XRN1: variants seen among roughly 807,000 people sequenced by gnomAD.
The protein encoded by XRN1 is strand-exchange protein 1 homolog.
A neutral mutation model predicts 222.3 loss-of-function variants in XRN1; 67 were observed. The observed-to-expected ratio is 0.30, with a 90% CI of 0.25 to 0.37. The LOEUF (loss-of-function observed/expected upper bound fraction) is 0.37. XRN1 is among the 10% of genes least tolerant of loss of function. XRN1 has a pLI of 1.00. For missense variants in XRN1, 1,707 were observed against 2,000.2 expected (o/e 0.85, Z 2.80); for synonymous variants, 643 against 652.4 (o/e 0.99, Z 0.22).
At position 142,425,334 on chromosome 3, in the gene XRN1, T is replaced by C; in HGVS notation, c.517-2A>G. ...TTTATGCTCTCCTTCTCCAGGAGTC[T>C]AAATAAAATTGTTTTTAAAAATGCA... On this transcript the variant is annotated splice_acceptor_variant, in intron 4 of 40. Transcript: ENST00000392981. LOFTEE classifies it high-confidence loss of function. 6.3e-7 allele frequency: 1 copy of C among 1,594,530 alleles called. No individual in the cohort carries two copies. Among genetic ancestry groups the C allele is most frequent in the Non-Finnish European group, 8.5e-7 (1 of 1,171,986 alleles).
chr3:142,408,233 GAAGT>G (rs2068426269), intron 15 of XRN1, among the ~76,000 whole-genome samples: 2 of 152,190 alleles, frequency 1.3e-5, no homozygotes, highest in Non-Finnish European at 2.9e-5. Flanking sequence ...AAGAATAAGC[GAAGT>G]AATACAGTGA....
At chr3:142,331,904 A>T (rs1238682169) in intron 36 of XRN1, among the ~76,000 whole-genome samples, 2 of 152,062 alleles carry the variant, frequency 1.3e-5, no homozygotes, top group African/African-American at 4.8e-5. Flanking sequence ...CCTCCCCAGT[A>T]GCTGGGACTA....
intron 13 of XRN1, among the ~76,000 whole-genome samples, chr3:142,414,518 C>T (rs1178144313): frequency 6.8e-6 from 1 of 147,864 alleles, no homozygotes; most frequent in Non-Finnish European, 1.5e-5. Context: ...TTTTTTGAGA[C>T]AGAGTCTCGC....
chr3:142,357,136 T>A lies in XRN1; in HGVS notation c.3465-17A>T. ...GGTGAGCATCTAAAAGTAAAAGTTA[T>A]ATCAGGGTTGGAAGGAAAACAATAC... On this transcript the variant is annotated splice_polypyrimidine_tract_variant and intron_variant, in intron 30 of 40. Transcript: ENST00000392981. 4 of 1,587,840 alleles carry A rather than the reference T, an allele frequency of 2.5e-6. No individual in the cohort carries two copies. The highest frequency in any genetic ancestry group is 1.7e-4 in the Middle Eastern group (1 of 6,026).
chr3:142,391,179 T>A (rs1282661437), intron 20 of XRN1, among the ~76,000 whole-genome samples: 1 of 151,840 alleles, frequency 6.6e-6, no homozygotes, highest in Admixed American at 6.6e-5. Context: ...TTGGAAAAAA[T>A]GGCACTGATA....
At chr3:142,361,661 G>T (rs2066634321) in intron 29 of XRN1, among the ~76,000 whole-genome samples, 1 of 151,960 alleles carries the variant, frequency 6.6e-6, no homozygotes. Context: ...TATCTTATTT[G>T]GTTTTAATTT....
chr3:142,360,757 C>T (rs1329972903), intron 29 of XRN1, among the ~76,000 whole-genome samples: 1 of 151,476 alleles, frequency 6.6e-6, no homozygotes, highest in Non-Finnish European at 1.5e-5. Context: ...GCCTGTTGTC[C>T]CAGCTAGTTG....
intron 10 of XRN1, 87 bp downstream of exon 10, chr3:142,420,929 A>T (rs2069002036): frequency 1.3e-6 from 2 of 1,565,916 alleles, no homozygotes; most frequent in South Asian, 2.3e-5. Flanking sequence ...GGCAATCCCA[A>T]ATCATAAGAA....
chr3:142,444,491 C>T (rs1299581568), intron 1 of XRN1, among the ~76,000 whole-genome samples: 1 of 152,076 alleles, frequency 6.6e-6, no homozygotes, highest in African/African-American at 2.4e-5. Context: ...CACGCCTAAT[C>T]CCAGCTACTT....
chr3:142,425,004 C>T (rs1478984701), intron 5 of XRN1, among the ~76,000 whole-genome samples: 2 of 152,110 alleles, frequency 1.3e-5, no homozygotes, highest in East Asian at 3.8e-4. Context: ...GGATTAGTCA[C>T]ACCTGTAGAC....
At position 142,422,868 on chromosome 3, in the gene XRN1, T is replaced by C; in HGVS notation, c.765A>G (p.Arg255=). Reference sequence around the variant, plus strand: ...CTGAAAACTCATAGTCAATATACTCTCTCATTAAAGACAAGTGTAGAAGGT... The same window carrying C: ...CTGAAAACTCATAGTCAATATACTCCCTCATTAAAGACAAGTGTAGAAGGT... ...TFHLLHLSLM[R]EYIDYEFSVL... The change falls in exon 7 of 41, where the codon AGA becomes AGG. Residue 255 remains arginine (R), a synonymous_variant. Transcript: ENST00000392981. 1 of 1,612,550 alleles carries C rather than the reference T, an allele frequency of 6.2e-7. No homozygotes were observed.
At position 142,402,297 on chromosome 3, in the gene XRN1, C is replaced by T. The variant is rs540688006; in HGVS notation, c.2103+1377G>A. 2.6e-4 allele frequency among the ~76,000 whole-genome samples: 39 copies of T among 152,206 alleles called. 1 individual carries two copies. The South Asian group carries it at 8.1e-3, about 32-fold the overall frequency. ...TCCTGGGTTCAAGCAATTCTCCTGCCTCAGCCTCCCGAGTAGCTGGGATTA... is the reference window on the plus strand; with the variant it reads ...TCCTGGGTTCAAGCAATTCTCCTGCTTCAGCCTCCCGAGTAGCTGGGATTA... On this transcript the variant is annotated intron_variant, in intron 18 of 40. Coordinates refer to ENST00000392981, the MANE Select transcript of XRN1 (RefSeq NM_001282857.2).
chr3:142,441,758 C>T (rs916458581), intron 1 of XRN1, among the ~76,000 whole-genome samples: 2 of 152,164 alleles, frequency 1.3e-5, no homozygotes, highest in African/African-American at 4.8e-5. Flanking sequence ...TTGTGCAACT[C>T]TTAACCCAGC....
At chr3:142,332,895 T>C in intron 35 of XRN1, 72 bp downstream of exon 35, 1 of 1,558,432 alleles carries the variant, frequency 6.4e-7, no homozygotes, top group Non-Finnish European at 8.7e-7. Context: ...TTTGAACACT[T>C]GCATGGGATA....
intron 32 of XRN1, among the ~76,000 whole-genome samples, chr3:142,353,701 A>G (rs147797956): frequency 2.0e-5 from 3 of 152,290 alleles, no homozygotes; most frequent in East Asian, 3.9e-4. Context: ...GACTTAAAAT[A>G]TAAGACCTCA....
rs1350766884 is a variant in XRN1, at chr3:142,390,652, T to C, written c.2340-5967A>G. Among the ~76,000 whole-genome samples the C allele has an allele frequency of 2.6e-5, 4 of 152,232 alleles. No homozygotes were observed. The East Asian group carries it at 7.7e-4, about 29-fold the overall frequency. ...ACTTTCTCCATATTAGCAATAAGGT[T>C]GTTTAATTTGCTTATCATTGGTGTA... On this transcript the variant is annotated intron_variant, in intron 20 of 40. Coordinates refer to ENST00000392981, the MANE Select transcript of XRN1 (RefSeq NM_001282857.2).
chr3:142,341,740 C>G (rs2066000368), intron 33 of XRN1, among the ~76,000 whole-genome samples: 1 of 151,990 alleles, frequency 6.6e-6, no homozygotes, highest in Non-Finnish European at 1.5e-5. Context: ...TATCCAATGT[C>G]AATGGAAACC....
At chr3:142,322,401 T>C (rs1186198467) in intron 37 of XRN1, among the ~76,000 whole-genome samples, 1 of 152,040 alleles carries the variant, frequency 6.6e-6, no homozygotes, top group Non-Finnish European at 1.5e-5. Context: ...TTTTTAGAGA[T>C]GATGGTCGGG....
intron 33 of XRN1, among the ~76,000 whole-genome samples, chr3:142,337,865 G>C (rs922722460): frequency 1.3e-5 from 2 of 152,164 alleles, no homozygotes; most frequent in African/African-American, 2.4e-5. Flanking sequence ...AAATCAACAA[G>C]AGAATGGGCA....
Sources: allele counts gnomAD v4.1 joint callset (sites outside exome capture counted in the v4.1 genomes callset), GRCh38; gene constraint gnomAD v4.1.1; transcripts MANE v1.5; gene names NCBI Gene and HGNC (gene_info 2026-07-23, HGNC 2026-07-21).